Variants in CD81 observed in about 807,000 individuals in gnomAD.
CD81 encodes CD81 molecule, also known as CD81 antigen.
Under a neutral mutation model 30.1 loss-of-function variants are expected in CD81, and 10 were observed. That is an observed-to-expected ratio of 0.33 (90% CI 0.21 to 0.56). The LOEUF is 0.56. Ranked by LOEUF, CD81 falls within the 20% of genes least tolerant of loss-of-function variation. CD81 has a pLI of 0.89. For synonymous variants in CD81, 147 were observed against 126.4 expected (o/e 1.16, Z -1.10); for missense variants, 263 against 308.7 (o/e 0.85, Z 1.11).
Position 2,380,053 on chromosome 11 carries a change from G to A in CD81, c.66+2438G>A, listed in dbSNP as rs2283147. 7.3e-3 allele frequency among the ~76,000 whole-genome samples: 1,113 copies of A among 152,320 alleles called. 46 individuals are homozygous for A. The East Asian group carries it at 0.12, about 17-fold the overall frequency. ...CACAGTGAGCCTACCTCCTGGTGGT[G>A]TTGGTGGATTTGCTGACATGCCTGA... On this transcript the variant is annotated intron_variant, in intron 1 of 7. Coordinates refer to ENST00000263645, the MANE Select transcript of CD81 (RefSeq NM_004356.4).
At position 2,377,647 on chromosome 11, in the gene CD81, G is replaced by T. The variant is rs1433164324; in HGVS notation, c.66+32G>T. The T allele has an allele frequency of 2.1e-6, 3 of 1,440,332 alleles. No homozygotes were observed. The highest frequency in any genetic ancestry group is 5.4e-5 in the East Asian group (2 of 37,270). 89.2% of individuals were successfully genotyped at this position (1,440,332 alleles called of 1,614,324 possible). A position where few individuals can be genotyped will look rare whatever the true frequency, so the allele number is the denominator to read the frequency against. On this transcript the variant is annotated intron_variant, in intron 1 of 7. Coordinates refer to ENST00000263645, the MANE Select transcript of CD81 (RefSeq NM_004356.4). The surrounding 1 kb of genome is among the most constrained non-coding windows in gnomAD (Gnocchi z 7.7). Reference sequence around the variant, plus strand: ...GCTGCGCCGGGGGCCGGGGCGGGAGGGGGCAGGCACACACTCCACGTTGGG... The same window carrying T: ...GCTGCGCCGGGGGCCGGGGCGGGAGTGGGCAGGCACACACTCCACGTTGGG...
At chr11:2,390,234 C>T (rs1034687515) in intron 1 of CD81, 178 bp from the exon 2 acceptor site, 14 of 678,982 alleles carry the variant, frequency 2.1e-5, no homozygotes, top group Admixed American at 4.1e-5. Context: ...GCACCCGCCC[C>T]ATGCTCCTGA....
At chr11:2,384,865 A>G (rs928210463) in intron 1 of CD81, among the ~76,000 whole-genome samples, 5 of 152,104 alleles carry the variant, frequency 3.3e-5, no homozygotes, top group Non-Finnish European at 7.4e-5. Flanking sequence ...CAAGGCAGAG[A>G]GAAGCTGAGA....
chr11:2,378,336 C>G lies in CD81; in HGVS notation c.66+721C>G, dbSNP rs1203334967. On this transcript the variant is annotated intron_variant, in intron 1 of 7. Coordinates refer to ENST00000263645, the MANE Select transcript of CD81 (RefSeq NM_004356.4). The surrounding 1 kb of genome is among the most constrained non-coding windows in gnomAD (Gnocchi z 4.9). ...CAGCGGAGGCCTCCTCCCAGAAGGG[C>G]TCTGGAGGCCTCGCAGGAGTGGGGA... Among the ~76,000 whole-genome samples, 3 of 152,174 alleles carry G rather than the reference C, an allele frequency of 2.0e-5. No homozygotes were observed. Among genetic ancestry groups the G allele is most frequent in the African/African-American group, 7.2e-5 (3 of 41,462 alleles).
intron 1 of CD81, among the ~76,000 whole-genome samples, chr11:2,380,984 A>G (rs1849695104): frequency 6.6e-6 from 1 of 152,344 alleles, no homozygotes; most frequent in African/African-American, 2.4e-5. Flanking sequence ...TCTCGCTTCC[A>G]GACAGCACAT....
intron 2 of CD81, chr11:2,393,555 G>T: frequency 2.8e-6 from 1 of 354,028 alleles, no homozygotes; most frequent in South Asian, 3.8e-5. Flanking sequence ...CAGATTGGGG[G>T]GCAGGAGCCA....
At chr11:2,393,889 C>G (rs1342896196) in intron 2 of CD81, 2 of 700,628 alleles carry the variant, frequency 2.9e-6, no homozygotes, top group Non-Finnish European at 5.2e-6. Flanking sequence ...AGTCTCCGTC[C>G]TGTGTCATGG....
chr11:2,384,282 G>A (rs1342178332), intron 1 of CD81, among the ~76,000 whole-genome samples: 2 of 151,660 alleles, frequency 1.3e-5, no homozygotes, highest in Non-Finnish European at 2.9e-5. Context: ...CATCTTGTGG[G>A]GTGGGGCGGC....
rs1205857172 is a variant in CD81, at chr11:2,378,665, C to A, written c.66+1050C>A. ...GGACTGGAGTGGGTGTCCATGGCCGCGGCCTCCCCGTGGCCACGCCCCTGG... is the reference window on the plus strand; with the variant it reads ...GGACTGGAGTGGGTGTCCATGGCCGAGGCCTCCCCGTGGCCACGCCCCTGG... On this transcript the variant is annotated intron_variant, in intron 1 of 7. Transcript: ENST00000263645. This position sits in a 1 kb window ranked among gnomAD's most constrained non-coding sequence, Gnocchi z 4.9. 6.6e-6 allele frequency among the ~76,000 whole-genome samples: 1 copy of A among 152,190 alleles called. No homozygotes were observed. The highest frequency in any genetic ancestry group is 1.5e-5 in the Non-Finnish European group (1 of 68,022).
chr11:2,381,696 A>G (rs1335512239), intron 1 of CD81, among the ~76,000 whole-genome samples: 1 of 152,196 alleles, frequency 6.6e-6, no homozygotes, highest in Non-Finnish European at 1.5e-5. Flanking sequence ...GAGAGGAGCC[A>G]GGTGCCCTGC....
In CD81 at chr11:2,396,092, CCT is replaced by C. The variant is rs1030577678; in HGVS notation, c.561+123_561+124del. On this transcript the variant is annotated intron_variant, in intron 6 of 7. Coordinates refer to ENST00000263645, the MANE Select transcript of CD81 (RefSeq NM_004356.4). ...AGCGACCACACTGGGTGGCATGGCC[CCT>C]GTCAGGGCTGCTCTGCTGGGAGGGT... 1.2e-5 allele frequency: 8 copies of C among 688,594 alleles called. No homozygotes were observed. In the Admixed American group the frequency reaches 1.2e-4, roughly 10 times the overall value. The allele number at this position is 688,594 out of a possible 1,614,324, so 42.7% of individuals were successfully genotyped here.
At chr11:2,396,243 C>G (rs1000968074) in intron 6 of CD81, 1 of 573,846 alleles carries the variant, frequency 1.7e-6, no homozygotes, top group East Asian at 3.0e-5. Flanking sequence ...CGTGTGCACT[C>G]GTGGGTGTGG....
upstream of CD81, chr11:2,376,371 C>T (rs1248780857): frequency 6.6e-6 from 1 of 152,194 alleles, no homozygotes; most frequent in Non-Finnish European, 1.5e-5. Context: ...AGCCCCCGCC[C>T]AGGATGCAGC....
At chr11:2,394,919 G>A in intron 3 of CD81, 53 bp from the exon 4 acceptor site, 1 of 1,534,958 alleles carries the variant, frequency 6.5e-7, no homozygotes, top group Non-Finnish European at 9.0e-7. Context: ...GTGTCCTTGG[G>A]CCCCGCCTAC....
At chr11:2,389,612 C>T (rs927768654) in intron 1 of CD81, among the ~76,000 whole-genome samples, 5 of 152,158 alleles carry the variant, frequency 3.3e-5, no homozygotes, top group Non-Finnish European at 4.4e-5. Context: ...ACCTGCCAGA[C>T]TCCCAGCACA....
upstream of CD81, chr11:2,377,062 C>T (rs1371943965): frequency 6.6e-6 from 1 of 152,406 alleles, no homozygotes; most frequent in Non-Finnish European, 1.5e-5. The surrounding 1 kb of genome is among the most constrained non-coding windows in gnomAD (Gnocchi z 7.7). Flanking sequence ...GCTGCCACCC[C>T]CTTGGGGGCT....
Position 2,390,425 on chromosome 11 carries a change from T to G in CD81, c.80T>G (p.Val27Gly). Residue 27 changes from valine to glycine, a missense_variant, in exon 2 of 8, where the codon GTG (valine) becomes GGG (glycine). Val to Gly is a moderately radical substitution (Grantham distance 109). Around this residue, in one of 3 missense-constraint regions of CD81, gnomAD observed 84 missense variants for 98.2 expected, o/e 0.86. Transcript: ENST00000263645. ...FNFVFWLAGG[V>G]ILGVALWLRH... ...GCTCTTTCCCAGCTGGCTGGAGGCG[T>G]GATCCTGGGTGTGGCCCTGTGGCTC... 1 of 1,612,602 alleles carries G rather than the reference T, an allele frequency of 6.2e-7. No homozygotes were observed. The highest frequency in any genetic ancestry group is 8.5e-7 in the Non-Finnish European group (1 of 1,179,768).
At chr11:2,395,740 AGGCT>A in intron 5 of CD81, 125 bp from the exon 6 acceptor site, 2 of 785,204 alleles carry the variant, frequency 2.5e-6, no homozygotes, top group Non-Finnish European at 4.4e-6. Flanking sequence ...AGGAGGAAGA[AGGCT>A]GGCCCCTGGA....
Position 2,390,544 on chromosome 11 carries a change from C to A in CD81, c.181+18C>A. 6.4e-7 allele frequency: 1 copy of A among 1,557,734 alleles called. No homozygotes were observed. The highest frequency in any genetic ancestry group is 8.9e-7 in the Non-Finnish European group (1 of 1,129,754). ...CTATGTAGGTGAGTGCACATGTGGC[C>A]GCAGACGCATTCAGGGAGGGCTTCT... On this transcript the variant is annotated intron_variant, in intron 2 of 7. Transcript: ENST00000263645.
Sources: allele counts gnomAD v4.1 joint callset (sites outside exome capture counted in the v4.1 genomes callset), GRCh38; gene constraint gnomAD v4.1.1; regional missense constraint gnomAD v4.1.1; non-coding constraint Gnocchi (gnomAD v3.1); transcripts MANE v1.5; gene names NCBI Gene and HGNC (gene_info 2026-07-23, HGNC 2026-07-21).